The following RALYL variants were observed in gnomAD, a reference collection of about 807,000 sequenced individuals.
RALYL encodes the protein RNA-binding Raly-like protein.
RALYL carries 29 observed loss-of-function variants against 35.1 expected under a neutral mutation model. The observed-to-expected ratio is 0.83, with a 90% confidence interval of 0.61 to 1.13. The LOEUF (loss-of-function observed/expected upper bound fraction) is 1.13, where lower values mean the gene tolerates loss of function less well. Among genes scored for constraint, RALYL ranks in the 50% most tolerant of loss-of-function variants. The pLI, the probability that RALYL is intolerant of heterozygous loss-of-function variation, is 0.00. For missense variants in RALYL, 359 were observed against 360.4 expected, an observed-to-expected ratio of 1.00 and a Z score of 0.03; for synonymous variants, 120 against 127.6, an observed-to-expected ratio of 0.94 and a Z score of 0.40.
chr8:84,638,965 GAC>G (rs60361195), intron 2 of RALYL, among the ~76,000 whole-genome samples: 25,217 of 115,092 alleles, frequency 0.22, 2,745 homozygotes, highest in Non-Finnish European at 0.24. Context: ...CACACACACA[GAC>G]ACACACACAC....
intron 1 of RALYL, among the ~76,000 whole-genome samples, chr8:84,272,799 G>C (rs1428820801): frequency 6.6e-6 from 1 of 152,088 alleles, no homozygotes; most frequent in Non-Finnish European, 1.5e-5. Context: ...CTCACAACTA[G>C]GGCAGTTAAT....
intron 3 of RALYL, among the ~76,000 whole-genome samples, chr8:84,804,442 TACAA>T (rs771204744): frequency 2.6e-5 from 4 of 152,206 alleles, no homozygotes; most frequent in Non-Finnish European, 5.9e-5. Context: ...TAGAAACGTC[TACAA>T]ACAAATTACC....
intron 1 of RALYL, among the ~76,000 whole-genome samples, chr8:84,368,866 A>G (rs1264685778): frequency 6.6e-6 from 1 of 152,184 alleles, no homozygotes; most frequent in Non-Finnish European, 1.5e-5. Context: ...ATTAACAGTT[A>G]TACACTGAAA....
intron 1 of RALYL, among the ~76,000 whole-genome samples, chr8:84,467,127 T>G (rs1280065293): frequency 6.6e-6 from 1 of 152,178 alleles, no homozygotes; most frequent in Non-Finnish European, 1.5e-5. Flanking sequence ...AAGGGTTTTT[T>G]GTGTCACTAT....
At chr8:84,803,320 C>T (rs1245051909) in intron 3 of RALYL, among the ~76,000 whole-genome samples, 4 of 151,924 alleles carry the variant, frequency 2.6e-5, no homozygotes, top group African/African-American at 9.7e-5. Context: ...ATGTAGAATC[C>T]CCCTCATTTC....
chr8:84,662,981 C>A (rs1588854365), intron 2 of RALYL, among the ~76,000 whole-genome samples: 1 of 152,066 alleles, frequency 6.6e-6, no homozygotes, highest in East Asian at 1.9e-4. Flanking sequence ...TTAATGCTCT[C>A]CCTCCTCCCA....
At chr8:84,700,230 G>A (rs948867623) in intron 2 of RALYL, among the ~76,000 whole-genome samples, 4 of 151,932 alleles carry the variant, frequency 2.6e-5, no homozygotes, top group Non-Finnish European at 5.9e-5. Flanking sequence ...TTACCACTAA[G>A]GAGATGCAGT....
chr8:84,839,196 G>A (rs1053058106), intron 4 of RALYL, among the ~76,000 whole-genome samples: 1 of 152,238 alleles, frequency 6.6e-6, no homozygotes, highest in Non-Finnish European at 1.5e-5. Flanking sequence ...AAGTGCAAGA[G>A]GTCAGGGAAT....
In RALYL at chr8:84,371,840, CAT is replaced by C. The variant is rs1275130804; in HGVS notation, c.-23-157453_-23-157452del. On this transcript the variant is annotated intron_variant, in intron 1 of 8. Coordinates refer to ENST00000521268, the MANE Select transcript of RALYL (RefSeq NM_173848.7). Reference sequence around the variant, plus strand: ...AAATGCCAGTGTAGCTTTTATTATACATATATAGAGAGACAGCACTGATGATT... The same window carrying C: ...AAATGCCAGTGTAGCTTTTATTATACATATAGAGAGACAGCACTGATGATT... Among the ~76,000 whole-genome samples, 7 of 152,050 alleles carry C rather than the reference CAT, an allele frequency of 4.6e-5. No homozygotes were observed. The South Asian group carries it at 1.5e-3, about 32-fold the overall frequency.
chr8:84,429,916 T>A (rs1390333743), intron 1 of RALYL, among the ~76,000 whole-genome samples: 1 of 151,956 alleles, frequency 6.6e-6, no homozygotes, highest in African/African-American at 2.4e-5. Flanking sequence ...AGATAACTTA[T>A]ACGTATTGCC....
At chr8:84,358,450 AC>A (rs923747803) in intron 1 of RALYL, among the ~76,000 whole-genome samples, 3 of 152,036 alleles carry the variant, frequency 2.0e-5, no homozygotes, top group Non-Finnish European at 4.4e-5. Context: ...TACTAGGAAT[AC>A]ATGAAACGAT....
intron 2 of RALYL, among the ~76,000 whole-genome samples, chr8:84,737,785 C>T (rs1198182082): frequency 6.6e-6 from 1 of 151,832 alleles, no homozygotes; most frequent in Non-Finnish European, 1.5e-5. Flanking sequence ...AAAGAGGCTC[C>T]ACAGAGATTC....
intron 2 of RALYL, among the ~76,000 whole-genome samples, chr8:84,765,457 G>C (rs1258316754): frequency 6.6e-6 from 1 of 152,134 alleles, no homozygotes; most frequent in African/African-American, 2.4e-5. Context: ...AATAGGAAAG[G>C]TGGTTATAGT....
chr8:84,486,229 G>C (rs1288959531), intron 1 of RALYL, among the ~76,000 whole-genome samples: 1 of 149,594 alleles, frequency 6.7e-6, no homozygotes, highest in East Asian at 2.0e-4. Context: ...AGAATAGCCA[G>C]GAAATAAACC....
At chr8:84,873,185 A>G in intron 6 of RALYL, 99 bp from the exon 7 acceptor site, 1 of 591,136 alleles carries the variant, frequency 1.7e-6, no homozygotes, top group Non-Finnish European at 3.0e-6. Flanking sequence ...GTGATTTGAC[A>G]CAGACTTGAG....
intron 1 of RALYL, among the ~76,000 whole-genome samples, chr8:84,391,665 T>G: frequency 6.6e-6 from 1 of 152,064 alleles, no homozygotes; most frequent in East Asian, 1.9e-4. Flanking sequence ...GTAGGCATAT[T>G]AAGGCTAGCC....
At chr8:84,732,147 TAA>T (rs540804639) in intron 2 of RALYL, among the ~76,000 whole-genome samples, 23 of 152,150 alleles carry the variant, frequency 1.5e-4, no homozygotes, top group Non-Finnish European at 3.1e-4. Flanking sequence ...TATATATTAA[TAA>T]GTGTGCTTTT....
At chr8:84,694,062 C>CCCA (rs1003746984) in intron 2 of RALYL, among the ~76,000 whole-genome samples, 87 of 151,826 alleles carry the variant, frequency 5.7e-4, no homozygotes, top group African/African-American at 1.9e-3. Context: ...GAACAAGAAC[C>CCCA]CCACTCTCTC....
At chr8:84,215,008 C>T (rs919335667) in intron 1 of RALYL, among the ~76,000 whole-genome samples, 25 of 152,026 alleles carry the variant, frequency 1.6e-4, no homozygotes, top group African/African-American at 6.0e-4. Flanking sequence ...TGGGTTCATG[C>T]CATTCTCCTG....
Sources: allele counts gnomAD v4.1 joint callset (sites outside exome capture counted in the v4.1 genomes callset), GRCh38; gene constraint gnomAD v4.1.1; transcripts MANE v1.5; gene names NCBI Gene and HGNC (gene_info 2026-07-23, HGNC 2026-07-21).